Variants in COL19A1 observed in about 807,000 individuals in gnomAD.
COL19A1 encodes the protein collagen type XIX alpha 1 chain, also known as collagen alpha-1(XIX) chain.
A neutral mutation model predicts 190.2 loss-of-function variants in COL19A1; 159 were observed. The ratio of observed to expected loss-of-function variants is 0.84; its 90% CI spans 0.73 to 0.95. COL19A1 has a LOEUF of 0.95. Ranked by LOEUF, COL19A1 falls within the 40% of genes least tolerant of loss-of-function variation. COL19A1 has a pLI of 0.00. For missense variants in COL19A1, 1,418 were observed against 1,431.9 expected, an observed-to-expected ratio of 0.99 and a Z score of 0.16; for synonymous variants, 509 against 458.9, an observed-to-expected ratio of 1.11 and a Z score of -1.39.
intron 11 of COL19A1, among the ~76,000 whole-genome samples, chr6:69,966,514 T>C (rs1283676192): frequency 1.3e-5 from 2 of 152,034 alleles, no homozygotes; most frequent in Non-Finnish European, 2.9e-5. Context: ...CCACTAAGGG[T>C]TAAATGGATT....
Position 70,208,075 on chromosome 6 carries a change from C to G in COL19A1, c.*801C>G, listed in dbSNP as rs1401377762. On this transcript the variant is annotated 3_prime_UTR_variant, in exon 51 of 51. Transcript: ENST00000620364. ...ATATTCTGTGGTCCCCTCACTCAGT[C>G]TCTCATTTGGTAAACAGAAAGCTGT... The G allele has an allele frequency of 6.6e-6, 1 of 152,190 alleles. No homozygotes were observed. Among genetic ancestry groups the G allele is most frequent in the African/African-American group, 2.4e-5 (1 of 41,452 alleles). The allele number at this position is 152,190 out of a possible 1,614,324, so 9.4% of individuals were successfully genotyped here.
rs908892566 is a variant in COL19A1 at position 70,106,261 on chromosome 6, A to G, written c.1278+4039A>G. ...CAAATTAGTATATTCTCAGTTTCTT[A>G]CAAAATGTTTGTACCAAAAGGACAA... On this transcript the variant is annotated intron_variant, in intron 16 of 50. Transcript: ENST00000620364. 3.7e-4 allele frequency among the ~76,000 whole-genome samples: 57 copies of G among 152,048 alleles called. 1 individual carries two copies. The highest frequency in any genetic ancestry group is 3.7e-3 in the Admixed American group (57 of 15,226).
chr6:70,098,503 C>T (rs1783424023), intron 15 of COL19A1: 7 of 484,474 alleles, frequency 1.4e-5, no homozygotes, highest in Non-Finnish European at 4.1e-6. Flanking sequence ...TTCGACCAGT[C>T]CTGGTATTAT....
At chr6:70,097,582 C>T (rs570669838) in intron 15 of COL19A1, among the ~76,000 whole-genome samples, 1 of 152,144 alleles carries the variant, frequency 6.6e-6, no homozygotes, top group South Asian at 2.1e-4. Context: ...CCAGGTGACA[C>T]TCATGCATGC....
At chr6:69,958,924 T>C (rs1291905155) in intron 9 of COL19A1, among the ~76,000 whole-genome samples, 1 of 152,230 alleles carries the variant, frequency 6.6e-6, no homozygotes, top group Non-Finnish European at 1.5e-5. Flanking sequence ...TGATAGCTAA[T>C]TGCTTTCTAG....
At chr6:70,121,658 A>G (rs1008622130) in intron 16 of COL19A1, among the ~76,000 whole-genome samples, 1 of 152,180 alleles carries the variant, frequency 6.6e-6, no homozygotes, top group Non-Finnish European at 1.5e-5. Context: ...GCTCCCACTT[A>G]GGACCTCTTT....
intron 4 of COL19A1, among the ~76,000 whole-genome samples, chr6:69,921,723 TA>T: frequency 8.0e-6 from 1 of 125,266 alleles, no homozygotes. Flanking sequence ...TAGATTCGTA[TA>T]TATTCGTATG....
At chr6:70,198,169 T>C (rs1767327315) in intron 48 of COL19A1, among the ~76,000 whole-genome samples, 1 of 152,240 alleles carries the variant, frequency 6.6e-6, no homozygotes, top group Non-Finnish European at 1.5e-5. Context: ...ACAAGACCTA[T>C]ATCATTTGGG....
At chr6:70,131,173 A>G (rs1015696360) in intron 18 of COL19A1, 7 of 286,058 alleles carry the variant, frequency 2.4e-5, no homozygotes, top group Non-Finnish European at 5.3e-5. Context: ...CCATTGTCAG[A>G]AAAAAAATGC....
At chr6:70,173,194 A>G (rs1399674168) in intron 41 of COL19A1, among the ~76,000 whole-genome samples, 2 of 152,232 alleles carry the variant, frequency 1.3e-5, no homozygotes, top group Non-Finnish European at 2.9e-5. Context: ...TATCTGTTAG[A>G]CAGCAAAGTG....
chr6:70,144,347 C>G, intron 24 of COL19A1, 84 bp downstream of exon 24: 1 of 1,206,104 alleles, frequency 8.3e-7, no homozygotes, highest in Non-Finnish European at 1.2e-6. Flanking sequence ...AAAGGACAGC[C>G]CAGGGCTTCT....
chr6:70,054,407 C>A (rs760768021), intron 14 of COL19A1, among the ~76,000 whole-genome samples: 1 of 152,040 alleles, frequency 6.6e-6, no homozygotes, highest in Admixed American at 6.6e-5. Context: ...TTTTTGTCAT[C>A]CAAATTATTA....
intron 15 of COL19A1, among the ~76,000 whole-genome samples, chr6:70,083,324 A>G (rs915292287): frequency 6.6e-6 from 1 of 152,104 alleles, no homozygotes; most frequent in African/African-American, 2.4e-5. Flanking sequence ...TAAAGTGTAC[A>G]GTTTTGTAAT....
chr6:70,185,677 C>G (rs1766468632), intron 46 of COL19A1, among the ~76,000 whole-genome samples: 1 of 152,110 alleles, frequency 6.6e-6, no homozygotes, highest in South Asian at 2.1e-4. Context: ...GAATTAATTT[C>G]CACTAGAATT....
chr6:69,997,026 T>TAGAGAG (rs1554186399), intron 11 of COL19A1, among the ~76,000 whole-genome samples: 5 of 146,976 alleles, frequency 3.4e-5, no homozygotes, highest in Admixed American at 6.7e-5. Flanking sequence ...TATATATATA[T>TAGAGAG]AGAGAGAGAG....
chr6:70,146,607 T>C, intron 25 of COL19A1, 52 bp from the exon 26 acceptor site: 1 of 1,375,874 alleles, frequency 7.3e-7, no homozygotes, highest in Non-Finnish European at 1.0e-6. Context: ...ACTTCTAATG[T>C]GTTTATAACT....
chr6:70,147,364 G>A (rs1204843392), intron 27 of COL19A1, among the ~76,000 whole-genome samples: 1 of 152,084 alleles, frequency 6.6e-6, no homozygotes, highest in Non-Finnish European at 1.5e-5. Flanking sequence ...AATAAATAAT[G>A]AGAAGTTTTT....
At chr6:70,130,691 T>C (rs1049857253) in intron 18 of COL19A1, among the ~76,000 whole-genome samples, 2 of 152,342 alleles carry the variant, frequency 1.3e-5, no homozygotes, top group East Asian at 3.9e-4. Flanking sequence ...GGCAGTAGGA[T>C]TCGAATCTGC....
intron 31 of COL19A1, among the ~76,000 whole-genome samples, chr6:70,153,556 T>TA (rs1317676632): frequency 6.6e-6 from 1 of 152,144 alleles, no homozygotes; most frequent in East Asian, 1.9e-4. Flanking sequence ...AAATGACTCT[T>TA]AAAAATTATG....
Sources: allele counts gnomAD v4.1 joint callset (sites outside exome capture counted in the v4.1 genomes callset), GRCh38; gene constraint gnomAD v4.1.1; transcripts MANE v1.5; gene names NCBI Gene and HGNC (gene_info 2026-07-23, HGNC 2026-07-21).